The following DHRSX variants were observed in gnomAD, a reference collection of about 807,000 sequenced individuals.
DHRSX encodes the protein polyprenol dehydrogenase.
Under a neutral mutation model 34.0 loss-of-function variants are expected in DHRSX, and 31 were observed. The ratio of observed to expected loss-of-function variants is 0.91; its 90% CI spans 0.69 to 1.23. The LOEUF (loss-of-function observed/expected upper bound fraction) is 1.23, where lower values mean the gene tolerates loss of function less well. DHRSX is among the 50% of genes most tolerant of loss of function. The pLI is 0.00. For synonymous variants in DHRSX, 201 were observed against 183.8 expected (o/e 1.09, Z -0.76); for missense variants, 414 against 428.1 (o/e 0.97, Z 0.29).
Position 2,343,418 on chromosome X carries a change from CA to C in DHRSX, c.287-51816del, listed in dbSNP as rs1324296939. On this transcript the variant is annotated intron_variant, in intron 3 of 6. Coordinates refer to ENST00000334651, the MANE Select transcript of DHRSX (RefSeq NM_145177.3). ...AAAAGATTCCATGTTACATTTCATT[CA>C]AAAGGCATCATGCCTACAGGAGCCA... is the stretch of plus-strand genomic sequence containing the variant. Among the ~76,000 whole-genome samples, 3 of 152,318 alleles carry C rather than the reference CA, an allele frequency of 2.0e-5. No homozygotes were observed. The South Asian group carries it at 6.2e-4, about 32-fold the overall frequency.
At chrX:2,458,076 G>A (rs1326292535) in intron 1 of DHRSX, among the ~76,000 whole-genome samples, 1 of 152,026 alleles carries the variant, frequency 6.6e-6, no homozygotes. Context: ...TTAGGACTAG[G>A]GACTGCCACC....
At chrX:2,364,585 A>G (rs2042976161) in intron 3 of DHRSX, among the ~76,000 whole-genome samples, 1 of 152,096 alleles carries the variant, frequency 6.6e-6, no homozygotes, top group African/African-American at 2.4e-5. Context: ...CTACTTATCT[A>G]CCGTCTATCA....
chrX:2,273,425 C>G (rs2041584158), intron 4 of DHRSX, among the ~76,000 whole-genome samples: 1 of 152,164 alleles, frequency 6.6e-6, no homozygotes, highest in Non-Finnish European at 1.5e-5. Flanking sequence ...GGTTATTATT[C>G]TACGTGGAGT....
intron 3 of DHRSX, among the ~76,000 whole-genome samples, chrX:2,328,858 A>T (rs1195120681): frequency 6.6e-6 from 1 of 151,642 alleles, no homozygotes; most frequent in Non-Finnish European, 1.5e-5. Context: ...GGTAGAAGAG[A>T]CTCCAGCATC....
intron 1 of DHRSX, among the ~76,000 whole-genome samples, chrX:2,471,927 A>C (rs111835523): frequency 0.21 from 31,398 of 150,802 alleles, 4,491 homozygotes; most frequent in African/African-American, 0.4. Context: ...GGGCAGATTA[A>C]CTGAGGTCAG....
chrX:2,331,454 T>G (rs1261625950), intron 3 of DHRSX, among the ~76,000 whole-genome samples: 2 of 138,780 alleles, frequency 1.4e-5, no homozygotes, highest in Admixed American at 7.3e-5. Context: ...TTTTTTTTTT[T>G]TTTTTTTTTT....
intron 1 of DHRSX, among the ~76,000 whole-genome samples, chrX:2,455,540 G>A (rs1178348813): frequency 6.6e-6 from 1 of 151,698 alleles, no homozygotes; most frequent in Non-Finnish European, 1.5e-5. Flanking sequence ...CCAGGAGTTC[G>A]AGACCACCCT....
chrX:2,337,467 A>G (rs1243972109), intron 3 of DHRSX, among the ~76,000 whole-genome samples: 1 of 152,140 alleles, frequency 6.6e-6, no homozygotes, highest in African/African-American at 2.4e-5. Flanking sequence ...CTTGCTTAAA[A>G]CAAGTTTTTT....
intron 1 of DHRSX, among the ~76,000 whole-genome samples, chrX:2,453,382 A>G (rs967243644): frequency 6.6e-5 from 10 of 151,782 alleles, no homozygotes; most frequent in African/African-American, 2.4e-4. Flanking sequence ...AAAAAAAAAC[A>G]AAAAATTAGC....
At chrX:2,372,309 T>C (rs1241948360) in intron 3 of DHRSX, among the ~76,000 whole-genome samples, 2 of 152,124 alleles carry the variant, frequency 1.3e-5, no homozygotes, top group Admixed American at 6.5e-5. Flanking sequence ...TTTTGTATTA[T>C]ACAAGGGAAC....
chrX:2,365,041 A>C (rs1238110228), intron 3 of DHRSX, among the ~76,000 whole-genome samples: 1 of 152,116 alleles, frequency 6.6e-6, no homozygotes, highest in African/African-American at 2.4e-5. Context: ...TCTGTCTGTC[A>C]TTTCCTCATT....
At chrX:2,246,033 G>A (rs1232338611) in intron 5 of DHRSX, among the ~76,000 whole-genome samples, 3 of 150,094 alleles carry the variant, frequency 2.0e-5, no homozygotes, top group African/African-American at 2.5e-5. Context: ...CGTTGCACAC[G>A]TCATCAGGAC....
intron 1 of DHRSX, among the ~76,000 whole-genome samples, chrX:2,448,306 G>A (rs191626367): frequency 1.5e-4 from 23 of 152,266 alleles, no homozygotes; most frequent in Non-Finnish European, 2.2e-4. Context: ...GCACTCCACC[G>A]TGGGTGATAG....
At chrX:2,319,474 C>T (rs1265745928) in intron 3 of DHRSX, among the ~76,000 whole-genome samples, 3 of 142,368 alleles carry the variant, frequency 2.1e-5, no homozygotes, top group South Asian at 2.2e-4. Context: ...ACCCAGGAGA[C>T]GGAGGTTGCA....
chrX:2,276,813 CAA>C (rs1043679690), intron 4 of DHRSX, among the ~76,000 whole-genome samples: 1 of 102,090 alleles, frequency 9.8e-6, no homozygotes, highest in Admixed American at 1.0e-4. Flanking sequence ...GAAAGAGAGA[CAA>C]AGAGAGATGG....
chrX:2,356,113 C>T lies in DHRSX; in HGVS notation c.286+52632G>A, dbSNP rs902068200. On this transcript the variant is annotated intron_variant, in intron 3 of 6. Transcript: ENST00000334651. ...ATAATTAGCCGGGTCTGGTGGTGTG[C>T]ACCTGTAATCCCAGCACTTTGGGAG... Among the ~76,000 whole-genome samples the T allele has an allele frequency of 5.3e-5, 8 of 150,230 alleles. No individual in the cohort carries two copies. The East Asian group carries it at 7.9e-4, about 15-fold the overall frequency.
At chrX:2,328,115 C>T (rs2042410972) in intron 3 of DHRSX, among the ~76,000 whole-genome samples, 1 of 150,174 alleles carries the variant, frequency 6.7e-6, no homozygotes, top group Non-Finnish European at 1.5e-5. Flanking sequence ...GACACAGACA[C>T]ACAGAGTGAC....
chrX:2,294,624 C>T (rs1450162234), intron 3 of DHRSX, among the ~76,000 whole-genome samples: 1 of 148,774 alleles, frequency 6.7e-6, no homozygotes, highest in African/African-American at 2.5e-5. Context: ...GAGGTCGCGC[C>T]ACTGCACTCC....
At chrX:2,428,542 T>G (rs1279761844) in intron 1 of DHRSX, among the ~76,000 whole-genome samples, 3 of 152,090 alleles carry the variant, frequency 2.0e-5, no homozygotes, top group Non-Finnish European at 4.4e-5. Flanking sequence ...ACACCACATG[T>G]TCTCACTCAC....
Sources: gnomAD v4.1 joint callset for allele counts (sites outside exome capture counted in the v4.1 genomes callset) on GRCh38, gnomAD v4.1.1 for gene constraint, MANE v1.5 for transcripts, NCBI Gene and HGNC (gene_info 2026-07-23, HGNC 2026-07-21) for gene names.